The following AGGF1 variants were observed in gnomAD, a reference collection of about 807,000 sequenced individuals.
The protein encoded by AGGF1 is angiogenic factor with G patch and FHA domains 1.
In AGGF1, 56 loss-of-function variants were observed where a neutral mutation model predicts 86.5. That is an observed-to-expected ratio of 0.65 (90% CI 0.52 to 0.81). The LOEUF (loss-of-function observed/expected upper bound fraction) is 0.81. Among genes scored for constraint, AGGF1 ranks in the 30% least tolerant of loss-of-function variants. AGGF1 has a pLI of 0.00. For synonymous variants in AGGF1, 313 were observed against 297.1 expected (o/e 1.05, Z -0.55); for missense variants, 816 against 850.9 (o/e 0.96, Z 0.51).
rs1747242935 is a variant in AGGF1 at position 77,046,142 on chromosome 5, G to T, written c.871-205G>T. Reference sequence around the variant, plus strand: ...AAGGGGATCTCAGAGATAACTATAGGATTTTTAATTTGGATAATAAGAAGA... The same window carrying T: ...AAGGGGATCTCAGAGATAACTATAGTATTTTTAATTTGGATAATAAGAAGA... On this transcript the variant is annotated intron_variant, in intron 5 of 13. Coordinates refer to ENST00000312916, the MANE Select transcript of AGGF1 (RefSeq NM_018046.5). 2.0e-5 allele frequency among the ~76,000 whole-genome samples: 3 copies of T among 152,136 alleles called. No individual in the cohort carries two copies. In the South Asian group the frequency reaches 6.2e-4, roughly 32 times the overall value.
At chr5:77,035,009 A>T (rs980987069) in intron 2 of AGGF1, among the ~76,000 whole-genome samples, 1 of 152,180 alleles carries the variant, frequency 6.6e-6, no homozygotes, top group Non-Finnish European at 1.5e-5. Flanking sequence ...CTTTCCTATT[A>T]AGTTTTGCCT....
At chr5:77,055,948 A>T (rs968869720) in intron 11 of AGGF1, among the ~76,000 whole-genome samples, 16 of 152,210 alleles carry the variant, frequency 1.1e-4, no homozygotes, top group African/African-American at 3.9e-4. Context: ...GTGAGCTGTG[A>T]TCACACTTAT....
At chr5:77,033,275 T>C (rs1746904926) in intron 1 of AGGF1, among the ~76,000 whole-genome samples, 1 of 152,260 alleles carries the variant, frequency 6.6e-6, no homozygotes, top group African/African-American at 2.4e-5. Context: ...ATAGGGTTTG[T>C]ACAAGACCCC....
rs1746957799 is a variant in AGGF1 at position 77,035,762 on chromosome 5, T to C, written c.516+19T>C. ...TTCACAGGTAATAAAATGCTAAACATGAAACTGTTGATGCCCAAGAACCTG... is the reference window on the plus strand; with the variant it reads ...TTCACAGGTAATAAAATGCTAAACACGAAACTGTTGATGCCCAAGAACCTG... On this transcript the variant is annotated intron_variant, in intron 3 of 13. Transcript: ENST00000312916. The C allele has an allele frequency of 6.3e-7, 1 of 1,596,970 alleles. No individual in the cohort carries two copies.
intron 2 of AGGF1, 133 bp downstream of exon 2, chr5:77,034,653 A>T (rs1746930982): frequency 1.0e-5 from 7 of 692,502 alleles, no homozygotes; most frequent in South Asian, 1.6e-5. Flanking sequence ...GTCTCTCCAT[A>T]TGATAATGGT....
In AGGF1 at chr5:77,030,984, GTCC is replaced by G. The variant is rs778009070; in HGVS notation, c.210+14_210+16del. 24 of 1,611,284 alleles carry G rather than the reference GTCC, an allele frequency of 1.5e-5. No individual in the cohort carries two copies. In the South Asian group the frequency reaches 2.0e-4, roughly 13 times the overall value. On this transcript the variant is annotated intron_variant, in intron 1 of 13. Coordinates refer to ENST00000312916, the MANE Select transcript of AGGF1 (RefSeq NM_018046.5). Reference sequence around the variant, plus strand: ...CAGGAGCTCCGCACGCAGGTGCGCGGTCCTCCTCAGCCCCGCGCCCCATCCAGC... The same window carrying G: ...CAGGAGCTCCGCACGCAGGTGCGCGGTCCTCAGCCCCGCGCCCCATCCAGC...
chr5:77,051,768 AAAAAT>A (rs1464633487), intron 8 of AGGF1, among the ~76,000 whole-genome samples: 1 of 152,224 alleles, frequency 6.6e-6, no homozygotes, highest in Non-Finnish European at 1.5e-5. Flanking sequence ...TAATATTTTT[AAAAAT>A]AGTAAAACCT....
chr5:77,039,889 G>A (rs901443952), intron 5 of AGGF1, among the ~76,000 whole-genome samples, 170 bp downstream of exon 5: 18 of 152,010 alleles, frequency 1.2e-4, no homozygotes, highest in African/African-American at 4.3e-4. Context: ...CATAAACTCT[G>A]TCACTAGAAA....
intron 8 of AGGF1, among the ~76,000 whole-genome samples, chr5:77,049,335 T>TA (rs1203720926): frequency 1.3e-5 from 2 of 152,162 alleles, no homozygotes; most frequent in African/African-American, 4.8e-5. Flanking sequence ...GCTACTTTAG[T>TA]AGGTGGTTAC....
At position 77,039,644 on chromosome 5, in the gene AGGF1, C is replaced by T. The variant is rs201447370; in HGVS notation, c.795C>T (p.Ser265=). 22 of 1,612,754 alleles carry T rather than the reference C, an allele frequency of 1.4e-5. No individual in the cohort carries two copies. Among genetic ancestry groups the T allele is most frequent in the African/African-American group, 1.1e-4 (8 of 74,914 alleles). ...ATTTGCAACCTTATCCGACTTCTAG[C>T]ACAAAACAAAGTAAAGATAAAAAAT... ...RVDLQPYPTS[S]TKQSKDKKLK... is the part of the protein sequence containing the mutation. Residue 265 remains serine, a synonymous_variant, in exon 5 of 14, where the codon AGC becomes AGT. Transcript: ENST00000312916.
intron 12 of AGGF1, among the ~76,000 whole-genome samples, chr5:77,061,010 G>A (rs542934557): frequency 6.6e-6 from 1 of 152,294 alleles, no homozygotes; most frequent in East Asian, 1.9e-4. Flanking sequence ...AATTAGCAGA[G>A]TATAGAATCA....
At position 77,064,546 on chromosome 5, in the gene AGGF1, A is replaced by C. The variant is rs1742753670; in HGVS notation, c.*1294A>C. On this transcript the variant is annotated 3_prime_UTR_variant, in exon 14 of 14. Transcript: ENST00000312916. ...AGGAGAAACTATGACTAAAGATGAG[A>C]GGTATGAACGAGTTGTCAGGTTCCT... 1 of 152,216 alleles carries C rather than the reference A, an allele frequency of 6.6e-6. No homozygotes were observed. Among genetic ancestry groups the C allele is most frequent in the Non-Finnish European group, 1.5e-5 (1 of 68,040 alleles). 9.4% of individuals were successfully genotyped at this position (152,216 alleles called of 1,614,324 possible).
At chr5:77,044,272 CACTCCAGCCTGGGCACCATT>C (rs1266912057) in intron 5 of AGGF1, among the ~76,000 whole-genome samples, 2 of 152,038 alleles carry the variant, frequency 1.3e-5, no homozygotes, top group East Asian at 3.9e-4. Context: ...CACGCCACTG[CACTCCAGCCTGGGCACCATT>C]GAGCACTCGA....
intron 5 of AGGF1, among the ~76,000 whole-genome samples, chr5:77,043,538 A>G (rs1426933699): frequency 2.0e-5 from 2 of 99,234 alleles, no homozygotes; most frequent in South Asian, 3.8e-4. Context: ...CGGGGGGCTG[A>G]CCCCCCCACC....
chr5:77,053,382 G>A (rs1434558608), intron 9 of AGGF1, among the ~76,000 whole-genome samples: 1 of 152,152 alleles, frequency 6.6e-6, no homozygotes, highest in African/African-American at 2.4e-5. Context: ...AGCTGGGCGT[G>A]GTGGTGTGTG....
In AGGF1 at chr5:77,039,558, A is replaced by C; in HGVS notation, c.709A>C (p.Thr237Pro). ...AAATCAACTCTATTATGATCCTTCC[A>C]CTGGAATTTATTACTATTGTGATGT... ...SENQLYYDPSTGIYYYCDVES... is the reference protein window; with the variant it reads ...SENQLYYDPSPGIYYYCDVES... Residue 237 changes from threonine to proline, a missense_variant, in exon 5 of 14, where the codon ACT becomes CCT. Thr to Pro is a conservative substitution (Grantham distance 38, BLOSUM62 -1). Around this residue, in one of 3 missense-constraint regions of AGGF1, gnomAD observed 565 missense variants for 585.8 expected, o/e 0.96. Coordinates refer to ENST00000312916, the MANE Select transcript of AGGF1 (RefSeq NM_018046.5). 6.2e-7 allele frequency: 1 copy of C among 1,610,054 alleles called. No homozygotes were observed. Among genetic ancestry groups the C allele is most frequent in the Non-Finnish European group, 8.5e-7 (1 of 1,178,078 alleles).
intron 8 of AGGF1, among the ~76,000 whole-genome samples, chr5:77,051,152 G>T (rs1747366308): frequency 1.3e-5 from 2 of 152,102 alleles, no homozygotes; most frequent in African/African-American, 4.8e-5. Flanking sequence ...GAGTTTGGGG[G>T]GTTGGGCGCG....
chr5:77,059,572 T>C (rs1747517350), intron 11 of AGGF1, 44 bp from the exon 12 acceptor site: 5 of 1,555,652 alleles, frequency 3.2e-6, no homozygotes, highest in Non-Finnish European at 4.4e-6. Flanking sequence ...ATTGTTTTAT[T>C]TATCAGCTTT....
At chr5:77,033,721 G>A (rs1039425292) in intron 1 of AGGF1, among the ~76,000 whole-genome samples, 1 of 152,140 alleles carries the variant, frequency 6.6e-6, no homozygotes, top group African/African-American at 2.4e-5. Flanking sequence ...TTGGTTTCTT[G>A]TGTGTAGTAG....
Sources: allele counts gnomAD v4.1 joint callset (sites outside exome capture counted in the v4.1 genomes callset), GRCh38; gene constraint gnomAD v4.1.1; regional missense constraint gnomAD v4.1.1; transcripts MANE v1.5; gene names NCBI Gene and HGNC (gene_info 2026-07-23, HGNC 2026-07-21).